BCAR3: variants seen among roughly 807,000 people sequenced by gnomAD.
BCAR3 encodes BCAR3 adaptor protein, NSP family member, also known as breast cancer anti-estrogen resistance protein 3.
BCAR3 carries 37 observed loss-of-function variants against 80.1 expected under a neutral mutation model. The ratio of observed to expected loss-of-function variants is 0.46; its 90% CI spans 0.36 to 0.61. The LOEUF (loss-of-function observed/expected upper bound fraction) is 0.61, where lower values mean the gene tolerates loss of function less well. BCAR3 is among the 20% of genes least tolerant of loss of function. The probability of loss-of-function intolerance (pLI) is 0.00; values close to 1 mark genes in which losing one functional copy is unlikely to be tolerated. For synonymous variants in BCAR3, 389 were observed against 418.9 expected (o/e 0.93, Z 0.87); for missense variants, 978 against 1,068.2 (o/e 0.92, Z 1.18).
At chr1:93,610,549 A>G (rs1448828132) in intron 3 of BCAR3, among the ~76,000 whole-genome samples, 3 of 152,236 alleles carry the variant, frequency 2.0e-5, no homozygotes, top group Non-Finnish European at 4.4e-5. Flanking sequence ...CCTAAAAACT[A>G]AGGCTCACAC....
rs374296101 is a variant in BCAR3 at position 93,589,137 on chromosome 1, C to A, written c.769G>T (p.Val257Leu). ...TGCTCCTCCAGGCACCGCAGAGGCA[C>A]CGTCCTGTTGATGGGCTGGAAGATG... ...AIIFQPINRTVPLRCLEEHYG... is the reference protein window; with the variant it reads ...AIIFQPINRTLPLRCLEEHYG... Residue 257 changes from valine (V) to leucine (L), a missense_variant, in exon 5 of 12, where the codon GTG becomes TTG. Physicochemically the swap from Val to Leu is conservative, Grantham distance 32 (BLOSUM62 1). Transcript: ENST00000260502. The A allele has an allele frequency of 6.2e-7, 1 of 1,613,424 alleles. No homozygotes were observed. The highest frequency in any genetic ancestry group is 1.3e-5 in the African/African-American group (1 of 74,926).
In BCAR3 at chr1:93,661,490, C is replaced by CT. The variant is rs113706605; in HGVS notation, c.317+13123dup. Among the ~76,000 whole-genome samples, 1,257 of 140,916 alleles carry CT rather than the reference C, an allele frequency of 8.9e-3. 8 individuals carry two copies. The highest frequency in any genetic ancestry group is 0.023 in the Admixed American group (330 of 14,112). The allele number at this position is 140,916 out of a possible 152,430, so 92.4% of individuals were successfully genotyped here. ...AGCCACCATACCTGGCCCAGTGTAG[C>CT]TTTTTTTTTTTTTTGAGACGAAGTT... On this transcript the variant is annotated intron_variant, in intron 2 of 11. Coordinates refer to ENST00000260502, the MANE Select transcript of BCAR3 (RefSeq NM_003567.4).
At chr1:93,567,942 T>C in intron 9 of BCAR3, 91 bp from the exon 10 acceptor site, 1 of 1,030,404 alleles carries the variant, frequency 9.7e-7, no homozygotes, top group Non-Finnish European at 1.5e-6. Flanking sequence ...ATGCCAGCAC[T>C]TTGGGAGGCT....
chr1:93,577,556 G>C (rs748476142), intron 7 of BCAR3, among the ~76,000 whole-genome samples: 4 of 152,226 alleles, frequency 2.6e-5, no homozygotes, highest in Middle Eastern at 3.4e-3. Context: ...CTTTGCAAAG[G>C]ATTCAGATAA....
At chr1:93,837,262 C>CT (rs1654805831) in intron 2 of BCAR3, among the ~76,000 whole-genome samples, 1 of 152,152 alleles carries the variant, frequency 6.6e-6, no homozygotes, top group South Asian at 2.1e-4. Flanking sequence ...ATTACCCTGT[C>CT]TGAGGTATGT....
At chr1:93,562,856 A>AATGT (rs1463863317) in intron 11 of BCAR3, among the ~76,000 whole-genome samples, 2 of 152,038 alleles carry the variant, frequency 1.3e-5, no homozygotes, top group Non-Finnish European at 2.9e-5. Context: ...AACTTTAAAA[A>AATGT]ATGTCCCCAA....
chr1:93,833,806 A>G (rs1194570687), intron 2 of BCAR3, among the ~76,000 whole-genome samples: 1 of 152,190 alleles, frequency 6.6e-6, no homozygotes, highest in South Asian at 2.1e-4. Context: ...ATTTGTGCAG[A>G]TAACACAATC....
At chr1:93,621,736 C>G (rs985280192) in intron 3 of BCAR3, among the ~76,000 whole-genome samples, 2 of 152,190 alleles carry the variant, frequency 1.3e-5, no homozygotes, top group Non-Finnish European at 2.9e-5. Context: ...GGAAGAGCTA[C>G]AAGTTTGACT....
intron 2 of BCAR3, among the ~76,000 whole-genome samples, chr1:93,714,842 A>G (rs1216881377): frequency 6.6e-6 from 1 of 152,184 alleles, no homozygotes; most frequent in East Asian, 1.9e-4. Context: ...CTCATCCGTG[A>G]CTTTCGCAGT....
chr1:93,650,817 A>T (rs1676298671), intron 2 of BCAR3, among the ~76,000 whole-genome samples: 1 of 152,154 alleles, frequency 6.6e-6, no homozygotes, highest in Non-Finnish European at 1.5e-5. Context: ...CTAATTTAAA[A>T]ATTCCACTTG....
intron 3 of BCAR3, among the ~76,000 whole-genome samples, chr1:93,688,864 T>C (rs1035669391): frequency 6.6e-6 from 1 of 152,156 alleles, no homozygotes; most frequent in South Asian, 2.1e-4. Context: ...CTCAAACTCC[T>C]GACCTCAGGT....
intron 2 of BCAR3, among the ~76,000 whole-genome samples, chr1:93,800,016 T>C (rs6671880): frequency 0.14 from 21,515 of 152,214 alleles, 2,480 homozygotes; most frequent in African/African-American, 0.31. Flanking sequence ...TAATCTTGTA[T>C]AAACCTCCAT....
chr1:93,585,886 A>G lies in BCAR3; in HGVS notation c.930-1765T>C, dbSNP rs1306947405. On this transcript the variant is annotated intron_variant, in intron 5 of 11. Coordinates refer to ENST00000260502, the MANE Select transcript of BCAR3 (RefSeq NM_003567.4). ...CTCGAGTAGCTGGGACCACAGGCAC[A>G]CACCACCATGCCCAGCTAATTTTTA... Among the ~76,000 whole-genome samples the G allele has an allele frequency of 5.3e-5, 8 of 152,116 alleles. 1 individual carries two copies. Among genetic ancestry groups the G allele is most frequent in the African/African-American group, 1.7e-4 (7 of 41,412 alleles).
In BCAR3 at chr1:93,766,858, C is replaced by T. The variant is rs147059197; in HGVS notation, c.-62-60716G>A. Among the ~76,000 whole-genome samples, 419 of 152,166 alleles carry T rather than the reference C, an allele frequency of 2.8e-3. 1 individual carries two copies. Among genetic ancestry groups the T allele is most frequent in the African/African-American group, 9.9e-3 (410 of 41,498 alleles). The stretch of plus-strand genomic sequence containing the variant: ...GAATCTGCTTTAAGCTTCAAGACAT[C>T]GAAACAAAGAAACTTAGACAAAGAT... On this transcript the variant is annotated intron_variant, in intron 2 of 13. Transcript: ENST00000370244.
intron 2 of BCAR3, among the ~76,000 whole-genome samples, chr1:93,801,529 G>A (rs1413070653): frequency 6.6e-6 from 1 of 152,180 alleles, no homozygotes; most frequent in East Asian, 1.9e-4. Context: ...AATCCAGCAC[G>A]ATCTTGTTTG....
At chr1:93,796,926 A>T (rs1653296059) in intron 2 of BCAR3, among the ~76,000 whole-genome samples, 1 of 152,150 alleles carries the variant, frequency 6.6e-6, no homozygotes, top group Admixed American at 6.5e-5. Flanking sequence ...ATTAAAAATG[A>T]TCCCAATTTC....
intron 2 of BCAR3, among the ~76,000 whole-genome samples, chr1:93,653,001 C>T (rs759514801): frequency 1.1e-4 from 16 of 152,158 alleles, no homozygotes; most frequent in Non-Finnish European, 1.9e-4. Context: ...TTGACAATTT[C>T]CTCCCTCTTA....
intron 2 of BCAR3, chr1:93,753,368 T>C (rs1198854765): frequency 6.6e-6 from 1 of 152,232 alleles, no homozygotes; most frequent in Non-Finnish European, 1.5e-5. Flanking sequence ...TTTCATATTG[T>C]TGGATGGGAT....
chr1:93,727,458 G>A (rs1650633372), intron 2 of BCAR3, among the ~76,000 whole-genome samples: 1 of 152,210 alleles, frequency 6.6e-6, no homozygotes. Context: ...CATACTTCTT[G>A]TAAGCTCGGC....
Sources: gnomAD v4.1 joint callset for allele counts (sites outside exome capture counted in the v4.1 genomes callset) on GRCh38, gnomAD v4.1.1 for gene constraint, MANE v1.5 for transcripts, NCBI Gene and HGNC (gene_info 2026-07-23, HGNC 2026-07-21) for gene names.